The following THSD4 variants were observed in gnomAD, a reference collection of about 807,000 sequenced individuals.
THSD4 encodes thrombospondin type 1 domain containing 4.
A neutral mutation model predicts 119.0 loss-of-function variants in THSD4; 69 were observed. That is an observed-to-expected ratio of 0.58 (90% CI 0.48 to 0.71). THSD4 has a LOEUF of 0.71. THSD4 is among the 30% of genes least tolerant of loss of function. The pLI, the probability that THSD4 is intolerant of heterozygous loss-of-function variation, is 0.00. For missense variants in THSD4, 1,393 were observed against 1,391.1 expected, an observed-to-expected ratio of 1.00 and a Z score of -0.02; for synonymous variants, 524 against 540.4, an observed-to-expected ratio of 0.97 and a Z score of 0.42.
intron 6 of THSD4, among the ~76,000 whole-genome samples, chr15:71,390,953 G>A (rs1273552806): frequency 7.4e-6 from 1 of 134,638 alleles, no homozygotes; most frequent in Admixed American, 9.0e-5. Flanking sequence ...TTGAACTCCT[G>A]ATGCTCAAGG....
At chr15:71,573,525 TAC>T (rs1485608093) in intron 7 of THSD4, among the ~76,000 whole-genome samples, 1 of 152,230 alleles carries the variant, frequency 6.6e-6, no homozygotes, top group East Asian at 1.9e-4. Context: ...CTTTGTGAAT[TAC>T]ACAGTTTGGT....
chr15:71,741,880 C>T (rs975158642), intron 11 of THSD4, among the ~76,000 whole-genome samples: 1 of 152,228 alleles, frequency 6.6e-6, no homozygotes, highest in Admixed American at 6.5e-5. Flanking sequence ...CCTCCCTTCT[C>T]TGGCAATCCT....
chr15:71,745,729 C>A (rs2053323883), intron 12 of THSD4, among the ~76,000 whole-genome samples: 1 of 152,204 alleles, frequency 6.6e-6, no homozygotes, highest in Non-Finnish European at 1.5e-5. Context: ...TCAGCAAACT[C>A]CGCCTCCTGG....
rs78628814 is a variant in THSD4 at position 71,280,904 on chromosome 15, A to G, written c.1015+24189A>G. Among the ~76,000 whole-genome samples, 1,378 of 152,306 alleles carry G rather than the reference A, an allele frequency of 9.0e-3. 63 individuals carry two copies. In the East Asian group the frequency reaches 0.14, roughly 16 times the overall value. On this transcript the variant is annotated intron_variant, in intron 6 of 17. Transcript: ENST00000261862. ...ATTTGATCTTCAACTCTCATCATAC[A>G]AAGTATCGGTATTTTGAATTTGTAG...
intron 6 of THSD4, among the ~76,000 whole-genome samples, chr15:71,346,960 G>A (rs1404651265): frequency 2.4e-5 from 3 of 126,830 alleles, no homozygotes; most frequent in African/African-American, 9.0e-5. Flanking sequence ...CGCAGCCTCC[G>A]CCTCCTGGGT....
At chr15:71,172,204 A>T (rs1191739692) in intron 3 of THSD4, 1 of 152,136 alleles carries the variant, frequency 6.6e-6, no homozygotes, top group Non-Finnish European at 1.5e-5. Flanking sequence ...ACGCGCCTGT[A>T]ATCCCAGCTA....
At chr15:71,716,838 A>G in intron 8 of THSD4, among the ~76,000 whole-genome samples, 1 of 152,152 alleles carries the variant, frequency 6.6e-6, no homozygotes, top group Non-Finnish European at 1.5e-5. Context: ...GGTCACTCAC[A>G]TAGAATCCTG....
Position 71,777,215 on chromosome 15 carries a change from A to G in THSD4, c.2915-17A>G, listed in dbSNP as rs2140259648. 4 of 1,614,132 alleles carry G rather than the reference A, an allele frequency of 2.5e-6. No homozygotes were observed. The highest frequency in any genetic ancestry group is 3.4e-6 in the Non-Finnish European group (4 of 1,180,008). On this transcript the variant is annotated splice_polypyrimidine_tract_variant and intron_variant, in intron 17 of 17. Transcript: ENST00000261862. ...CTTGTGCTCAGGGAGTCTTCTGTTC[A>G]TTCTCTTTCGCTACAGATGAAAACT...
intron 7 of THSD4, among the ~76,000 whole-genome samples, chr15:71,610,100 A>C (rs2050195842): frequency 6.6e-6 from 1 of 152,234 alleles, no homozygotes; most frequent in Non-Finnish European, 1.5e-5. Flanking sequence ...AGTCATGCAC[A>C]GTCCTTCGCT....
At chr15:71,689,343 A>T (rs2051994847) in intron 8 of THSD4, among the ~76,000 whole-genome samples, 1 of 152,174 alleles carries the variant, frequency 6.6e-6, no homozygotes, top group African/African-American at 2.4e-5. Context: ...TGGAGCCTCA[A>T]GTCAGGCTCT....
At chr15:71,200,534 G>C (rs1233063903) in intron 3 of THSD4, among the ~76,000 whole-genome samples, 2 of 152,128 alleles carry the variant, frequency 1.3e-5, no homozygotes, top group African/African-American at 4.8e-5. Flanking sequence ...TTGTAATAAG[G>C]CACTAGTTAT....
At chr15:71,584,050 G>A (rs1595903957) in intron 7 of THSD4, among the ~76,000 whole-genome samples, 1 of 151,932 alleles carries the variant, frequency 6.6e-6, no homozygotes. Context: ...TTTACCTTCA[G>A]TTCTGTCAAT....
In THSD4 at chr15:71,476,362, G is replaced by A. The variant is rs528659423; in HGVS notation, c.1152+64539G>A. On this transcript the variant is annotated intron_variant, in intron 7 of 17. Coordinates refer to ENST00000261862, the MANE Select transcript of THSD4 (RefSeq NM_024817.3). ...TTCTCCTGCCTCAGCCTCCAGAGTA[G>A]TTGGGATTACTAGTAGCGGGAGGCA... Among the ~76,000 whole-genome samples, 2 of 152,180 alleles carry A rather than the reference G, an allele frequency of 1.3e-5. 1 individual carries two copies. The highest frequency in any genetic ancestry group is 1.3e-4 in the Admixed American group (2 of 15,288).
rs16955543 is a variant in THSD4, at chr15:71,391,561, G to T, written c.1016-20126G>T. ...AGGTGAAGTCAGGGAACTGAGTCTAGGGAAAAAGCCAGTGTCACACACCTG... is the reference window on the plus strand; with the variant it reads ...AGGTGAAGTCAGGGAACTGAGTCTATGGAAAAAGCCAGTGTCACACACCTG... On this transcript the variant is annotated intron_variant, in intron 6 of 17. Transcript: ENST00000261862. Among the ~76,000 whole-genome samples, 803 of 152,290 alleles carry T rather than the reference G, an allele frequency of 5.3e-3. 4 individuals carry two copies. The highest frequency in any genetic ancestry group is 0.018 in the African/African-American group (756 of 41,562).
At chr15:71,338,144 AG>A (rs755157371) in intron 6 of THSD4, among the ~76,000 whole-genome samples, 14 of 152,198 alleles carry the variant, frequency 9.2e-5, no homozygotes, top group Non-Finnish European at 1.9e-4. Flanking sequence ...CAAACACTGA[AG>A]AATCAGAAGT....
intron 7 of THSD4, among the ~76,000 whole-genome samples, chr15:71,421,845 C>G (rs2046813003): frequency 1.3e-5 from 2 of 152,106 alleles, no homozygotes; most frequent in Non-Finnish European, 2.9e-5. Context: ...TGTAGGCATG[C>G]CTTATTCCTT....
intron 1 of THSD4, among the ~76,000 whole-genome samples, chr15:71,132,157 T>G (rs1322418343): frequency 6.6e-6 from 1 of 152,224 alleles, no homozygotes; most frequent in African/African-American, 2.4e-5. Flanking sequence ...GATACAATTG[T>G]TTTTGAAAAT....
At chr15:71,225,001 T>A (rs1041819679) in intron 4 of THSD4, among the ~76,000 whole-genome samples, 1 of 152,184 alleles carries the variant, frequency 6.6e-6, no homozygotes, top group Non-Finnish European at 1.5e-5. Context: ...ATTATCAGCC[T>A]ACCATAATAG....
intron 7 of THSD4, among the ~76,000 whole-genome samples, chr15:71,488,032 C>T (rs1227626273): frequency 6.6e-6 from 1 of 152,106 alleles, no homozygotes; most frequent in Non-Finnish European, 1.5e-5. Flanking sequence ...ATGTAGGCTG[C>T]TGCTTCTAGC....
Sources: gnomAD v4.1 joint callset for allele counts (sites outside exome capture counted in the v4.1 genomes callset) on GRCh38, gnomAD v4.1.1 for gene constraint, MANE v1.5 for transcripts, NCBI Gene and HGNC (gene_info 2026-07-23, HGNC 2026-07-21) for gene names.